The following LUZP2 variants were observed in gnomAD, a reference collection of about 807,000 sequenced individuals.
The protein encoded by LUZP2 is leucine zipper protein 2.
Under a neutral mutation model 51.6 loss-of-function variants are expected in LUZP2, and 52 were observed. The ratio of observed to expected loss-of-function variants is 1.01; its 90% confidence interval spans 0.81 to 1.27. The LOEUF (loss-of-function observed/expected upper bound fraction) is 1.27. Ranked by LOEUF, LUZP2 falls within the 50% of genes most tolerant of loss-of-function variation. The probability of loss-of-function intolerance (pLI) is 0.00; values close to 1 mark genes in which losing one functional copy is unlikely to be tolerated. For missense variants in LUZP2, 436 were observed against 395.4 expected (o/e 1.10, Z -0.87); for synonymous variants, 154 against 137.3 (o/e 1.12, Z -0.85).
At chr11:24,775,966 T>C (rs1848903238) in intron 5 of LUZP2, among the ~76,000 whole-genome samples, 1 of 152,216 alleles carries the variant, frequency 6.6e-6, no homozygotes, top group African/African-American at 2.4e-5. Flanking sequence ...ATTATTGTTA[T>C]TGGGTTCTGA....
chr11:24,849,765 C>T (rs917112648), intron 5 of LUZP2, among the ~76,000 whole-genome samples: 4 of 152,148 alleles, frequency 2.6e-5, no homozygotes, highest in African/African-American at 9.7e-5. Context: ...GATCCTATTT[C>T]TCCACATCCT....
intron 1 of LUZP2, among the ~76,000 whole-genome samples, chr11:24,521,847 AT>A (rs1337868759): frequency 6.6e-6 from 1 of 152,190 alleles, no homozygotes; most frequent in Non-Finnish European, 1.5e-5. Flanking sequence ...CTTCTAAGTC[AT>A]AACACATGTT....
chr11:24,698,790 T>G (rs1253210530), intron 1 of LUZP2, among the ~76,000 whole-genome samples: 5 of 152,204 alleles, frequency 3.3e-5, no homozygotes, highest in Admixed American at 3.3e-4. Context: ...CAGGCCAGGC[T>G]CACACTTGTA....
At chr11:24,692,026 A>G (rs756633172) in intron 1 of LUZP2, among the ~76,000 whole-genome samples, 2 of 152,196 alleles carry the variant, frequency 1.3e-5, no homozygotes. Context: ...TAAACTTCAC[A>G]GATAAAATGA....
chr11:24,606,192 A>T (rs147699756), intron 1 of LUZP2, among the ~76,000 whole-genome samples: 36 of 152,006 alleles, frequency 2.4e-4, no homozygotes, highest in Admixed American at 6.6e-4. Context: ...CATAAAGATG[A>T]TCTCTAACTT....
chr11:24,569,736 T>C (rs1852368921), intron 1 of LUZP2, among the ~76,000 whole-genome samples: 1 of 151,976 alleles, frequency 6.6e-6, no homozygotes. Context: ...TATTAGAATG[T>C]AGCTTATAAA....
At chr11:24,774,124 A>T in intron 5 of LUZP2, among the ~76,000 whole-genome samples, 1 of 151,878 alleles carries the variant, frequency 6.6e-6, no homozygotes, top group East Asian at 1.9e-4. Flanking sequence ...TACAGCCAGA[A>T]TATAAGCAGG....
intron 7 of LUZP2, among the ~76,000 whole-genome samples, chr11:24,936,223 C>G (rs1590750641): frequency 6.6e-6 from 1 of 151,936 alleles, no homozygotes; most frequent in Non-Finnish European, 1.5e-5. Flanking sequence ...AGGGCTGAAC[C>G]CCTAAGTGGT....
In LUZP2 at chr11:24,937,323, T is replaced by C. The variant is rs183932570; in HGVS notation, c.522+22785T>C. 1.0e-3 allele frequency among the ~76,000 whole-genome samples: 159 copies of C among 152,330 alleles called. 2 individuals are homozygous for C. Among genetic ancestry groups the C allele is most frequent in the African/African-American group, 3.8e-3 (158 of 41,582 alleles). On this transcript the variant is annotated intron_variant, in intron 7 of 11. Coordinates refer to ENST00000336930, the MANE Select transcript of LUZP2 (RefSeq NM_001009909.4). ...GAGGGGATCTAATTTCTTTATTAAGTCTTTCACTTACCTGGAAACTAAGCT... is the reference window on the plus strand; with the variant it reads ...GAGGGGATCTAATTTCTTTATTAAGCCTTTCACTTACCTGGAAACTAAGCT...
chr11:24,714,273 A>C (rs1364605184), intron 1 of LUZP2, among the ~76,000 whole-genome samples: 1 of 152,052 alleles, frequency 6.6e-6, no homozygotes, highest in Non-Finnish European at 1.5e-5. Flanking sequence ...ACAAACCTGC[A>C]TGTTCTCTAT....
intron 9 of LUZP2, among the ~76,000 whole-genome samples, chr11:25,027,385 C>G (rs912532724): frequency 2.0e-5 from 3 of 152,028 alleles, no homozygotes; most frequent in Non-Finnish European, 4.4e-5. Context: ...ATTATTTATA[C>G]TTTATTATCA....
intron 5 of LUZP2, among the ~76,000 whole-genome samples, chr11:24,812,580 A>G (rs1850053972): frequency 6.6e-6 from 1 of 152,206 alleles, no homozygotes; most frequent in Admixed American, 6.5e-5. Flanking sequence ...AGCACATGCC[A>G]TAATGTAAAT....
At chr11:24,756,988 A>G (rs563672780) in intron 4 of LUZP2, among the ~76,000 whole-genome samples, 7 of 152,180 alleles carry the variant, frequency 4.6e-5, no homozygotes, top group Non-Finnish European at 1.0e-4. Flanking sequence ...GTTTATTATA[A>G]AGGCAATTAA....
intron 1 of LUZP2, among the ~76,000 whole-genome samples, chr11:24,680,464 G>A (rs561839124): frequency 2.0e-4 from 30 of 152,324 alleles, no homozygotes; most frequent in African/African-American, 7.2e-4. Flanking sequence ...CAGTGTCCCA[G>A]TGTTCCTTTA....
At chr11:24,759,800 G>T (rs1369948625) in intron 4 of LUZP2, among the ~76,000 whole-genome samples, 1 of 152,134 alleles carries the variant, frequency 6.6e-6, no homozygotes, top group Non-Finnish European at 1.5e-5. Flanking sequence ...TTTGAATGGG[G>T]TTAGGTTCTA....
chr11:24,993,892 G>T (rs934692748), intron 9 of LUZP2, among the ~76,000 whole-genome samples: 3 of 151,784 alleles, frequency 2.0e-5, no homozygotes, highest in Admixed American at 6.6e-5. Context: ...ATAGAGTCTC[G>T]CTCTGTTGCC....
chr11:24,786,573 A>C, intron 5 of LUZP2: 1 of 298,902 alleles, frequency 3.3e-6, no homozygotes, highest in Non-Finnish European at 4.8e-6. Flanking sequence ...ATTATATAAT[A>C]TATAAAATAT....
At chr11:24,587,798 A>C (rs1447185500) in intron 1 of LUZP2, among the ~76,000 whole-genome samples, 1 of 152,100 alleles carries the variant, frequency 6.6e-6, no homozygotes, top group Non-Finnish European at 1.5e-5. Context: ...AAAAAAGTAA[A>C]TGAAATATAT....
At chr11:24,855,915 A>G (rs1851551828) in intron 5 of LUZP2, among the ~76,000 whole-genome samples, 1 of 152,160 alleles carries the variant, frequency 6.6e-6, no homozygotes, top group Non-Finnish European at 1.5e-5. Context: ...CATATGCAGA[A>G]AAATGAAACT....
Sources: allele counts gnomAD v4.1 joint callset (sites outside exome capture counted in the v4.1 genomes callset), GRCh38; gene constraint gnomAD v4.1.1; transcripts MANE v1.5; gene names NCBI Gene and HGNC (gene_info 2026-07-23, HGNC 2026-07-21).